The following AGBL4 variants were observed in gnomAD, a reference collection of about 807,000 sequenced individuals.
AGBL4 encodes AGBL carboxypeptidase 4, also known as cytosolic carboxypeptidase 6.
Under a neutral mutation model 66.4 loss-of-function variants are expected in AGBL4, and 58 were observed. The ratio of observed to expected loss-of-function variants is 0.87; its 90% confidence interval spans 0.71 to 1.09. The LOEUF (loss-of-function observed/expected upper bound fraction) is 1.09, where lower values mean the gene tolerates loss of function less well. AGBL4 is among the 50% of genes least tolerant of loss of function. The probability of loss-of-function intolerance (pLI) is 0.00; values close to 1 mark genes in which losing one functional copy is unlikely to be tolerated. For synonymous variants in AGBL4, 234 were observed against 222.9 expected (o/e 1.05, Z -0.44); for missense variants, 579 against 631.0 (o/e 0.92, Z 0.88).
intron 11 of AGBL4, among the ~76,000 whole-genome samples, chr1:48,553,036 C>T (rs374637475): frequency 3.9e-5 from 6 of 152,074 alleles, no homozygotes; most frequent in Non-Finnish European, 8.8e-5. Flanking sequence ...AACTCAGACC[C>T]ACTTCTCACT....
At chr1:48,564,160 G>C (rs553382587) in intron 11 of AGBL4, among the ~76,000 whole-genome samples, 1 of 152,096 alleles carries the variant, frequency 6.6e-6, no homozygotes, top group African/African-American at 2.4e-5. Flanking sequence ...CAGGCCTCAT[G>C]GTCACTTCTG....
At chr1:49,809,158 T>A (rs79118575) in intron 2 of AGBL4, among the ~76,000 whole-genome samples, 1 of 151,448 alleles carries the variant, frequency 6.6e-6, no homozygotes, top group African/African-American at 2.4e-5. Flanking sequence ...TCCAATTACA[T>A]TTTTTTTTAT....
At chr1:49,245,475 G>A (rs1651566502) in intron 4 of AGBL4, among the ~76,000 whole-genome samples, 1 of 151,178 alleles carries the variant, frequency 6.6e-6, no homozygotes, top group Non-Finnish European at 1.5e-5. Context: ...CCAAATAACA[G>A]ACTGCCTTTT....
At chr1:49,690,462 T>C (rs2124591334) in intron 3 of AGBL4, among the ~76,000 whole-genome samples, 1 of 152,342 alleles carries the variant, frequency 6.6e-6, no homozygotes, top group East Asian at 1.9e-4. Context: ...AGTGACTACC[T>C]AGGCACAAAT....
intron 2 of AGBL4, among the ~76,000 whole-genome samples, chr1:49,787,504 A>C (rs75439735): frequency 7.0e-6 from 1 of 143,272 alleles, no homozygotes. Context: ...CTCTGTCTCA[A>C]AAAAAAAAAA....
At chr1:49,609,010 T>C (rs1038170977) in intron 3 of AGBL4, among the ~76,000 whole-genome samples, 4 of 152,104 alleles carry the variant, frequency 2.6e-5, no homozygotes, top group African/African-American at 7.2e-5. Flanking sequence ...AGTTAGTAAA[T>C]TGTACACACA....
chr1:49,856,385 A>G (rs551858077), intron 1 of AGBL4, among the ~76,000 whole-genome samples: 2 of 152,246 alleles, frequency 1.3e-5, no homozygotes, highest in South Asian at 4.1e-4. Flanking sequence ...TCATTCTATA[A>G]AAACAGCATT....
chr1:49,062,336 C>T (rs974882683), intron 4 of AGBL4, among the ~76,000 whole-genome samples: 1 of 152,184 alleles, frequency 6.6e-6, no homozygotes, highest in Non-Finnish European at 1.5e-5. Context: ...CTTACCCTGT[C>T]TCAGCCCATG....
At chr1:48,961,104 T>C (rs944004581) in intron 5 of AGBL4, among the ~76,000 whole-genome samples, 15 of 152,114 alleles carry the variant, frequency 9.9e-5, no homozygotes, top group Admixed American at 5.2e-4. Flanking sequence ...TGTGTGTGTG[T>C]GTGCGTGTAT....
chr1:49,750,190 T>A (rs1429950233), intron 2 of AGBL4, among the ~76,000 whole-genome samples: 1 of 152,124 alleles, frequency 6.6e-6, no homozygotes, highest in Non-Finnish European at 1.5e-5. Context: ...ACAAGAGCGG[T>A]ATTACCTAGG....
At chr1:49,419,874 T>G (rs2148640284) in intron 3 of AGBL4, among the ~76,000 whole-genome samples, 1 of 152,314 alleles carries the variant, frequency 6.6e-6, no homozygotes, top group East Asian at 1.9e-4. Flanking sequence ...GGGGATAGGA[T>G]CCCTGCATAG....
chr1:49,772,406 T>C (rs1644088069), intron 2 of AGBL4, among the ~76,000 whole-genome samples: 1 of 152,176 alleles, frequency 6.6e-6, no homozygotes, highest in Non-Finnish European at 1.5e-5. Context: ...AGGATTTACA[T>C]AGCACCATTA....
intron 4 of AGBL4, among the ~76,000 whole-genome samples, chr1:49,223,985 T>A (rs577463056): frequency 1.3e-5 from 2 of 152,238 alleles, no homozygotes; most frequent in Non-Finnish European, 2.9e-5. Context: ...AATCATTGTG[T>A]GGTCCTGGGC....
chr1:49,606,259 G>T (rs1193516818), intron 3 of AGBL4, among the ~76,000 whole-genome samples: 1 of 152,072 alleles, frequency 6.6e-6, no homozygotes, highest in African/African-American at 2.4e-5. Flanking sequence ...GAGCTGCTGG[G>T]TCAGGGGAAT....
At chr1:48,785,848 T>G (rs562822839) in intron 6 of AGBL4, among the ~76,000 whole-genome samples, 1 of 152,112 alleles carries the variant, frequency 6.6e-6, no homozygotes, top group Non-Finnish European at 1.5e-5. Flanking sequence ...CCCTGCCTCA[T>G]TCTAGTCTTC....
intron 4 of AGBL4, among the ~76,000 whole-genome samples, chr1:49,113,437 G>T (rs1003567771): frequency 4.0e-5 from 6 of 151,600 alleles, no homozygotes; most frequent in African/African-American, 1.5e-4. Context: ...TTTTTTAGTA[G>T]AGATGGGGTT....
intron 3 of AGBL4, among the ~76,000 whole-genome samples, chr1:49,260,402 G>C (rs1186518583): frequency 1.3e-5 from 2 of 151,650 alleles, no homozygotes; most frequent in African/African-American, 2.4e-5. Context: ...AAAATTGATA[G>C]ACCGCTAGCA....
chr1:48,553,778 A>C (rs2803266), intron 11 of AGBL4, among the ~76,000 whole-genome samples: 123,640 of 152,106 alleles, frequency 0.81, 50,886 homozygotes, highest in Non-Finnish European at 0.9. Flanking sequence ...TTTATCACCA[A>C]CTTCCTGGTA....
At chr1:49,936,363 G>A (rs903979983) in intron 1 of AGBL4, among the ~76,000 whole-genome samples, 6 of 152,160 alleles carry the variant, frequency 3.9e-5, no homozygotes, top group Non-Finnish European at 8.8e-5. Flanking sequence ...GCGTCTGATT[G>A]GGGTACCTTA....
Sources: allele counts gnomAD v4.1 joint callset (sites outside exome capture counted in the v4.1 genomes callset), GRCh38; gene constraint gnomAD v4.1.1; transcripts MANE v1.5; gene names NCBI Gene and HGNC (gene_info 2026-07-23, HGNC 2026-07-21).